The following TMEM135 variants were observed in gnomAD, a reference collection of about 807,000 sequenced individuals.
TMEM135 encodes transmembrane protein 135.
A neutral mutation model predicts 60.3 loss-of-function variants in TMEM135; 30 were observed. That is an observed-to-expected ratio of 0.50 (90% CI 0.37 to 0.68). The LOEUF is 0.68. Ranked by LOEUF, TMEM135 falls within the 30% of genes least tolerant of loss-of-function variation. The probability of loss-of-function intolerance (pLI) is 0.00; values close to 1 mark genes in which losing one functional copy is unlikely to be tolerated. For synonymous variants in TMEM135, 190 were observed against 186.7 expected, an observed-to-expected ratio of 1.02 and a Z score of -0.14; for missense variants, 468 against 548.8, an observed-to-expected ratio of 0.85 and a Z score of 1.47.
chr11:87,327,792 T>G lies in TMEM135; in HGVS notation c.*6459T>G, dbSNP rs1271953687. The G allele has an allele frequency of 2.2e-6, 1 of 454,044 alleles. No individual in the cohort carries two copies. The highest frequency in any genetic ancestry group is 2.3e-5 in the Admixed American group (1 of 42,560). 28.1% of individuals were successfully genotyped at this position (454,044 alleles called of 1,614,324 possible). ...GGGATGGGGGAGTGATAGTTTTAAG[T>G]CCTGGAGTCCCAAGGTTAGAGGATC... is the stretch of plus-strand genomic sequence containing the variant. On this transcript the variant is annotated 3_prime_UTR_variant, in exon 15 of 15. Coordinates refer to ENST00000305494, the MANE Select transcript of TMEM135 (RefSeq NM_022918.4).
chr11:87,214,021 T>C (rs1415835325), intron 5 of TMEM135, among the ~76,000 whole-genome samples: 1 of 152,208 alleles, frequency 6.6e-6, no homozygotes, highest in East Asian at 1.9e-4. Flanking sequence ...GAGTTTTAAA[T>C]ACTTAGACTG....
At position 87,269,349 on chromosome 11, in the gene TMEM135, T is replaced by A. The variant is rs534881221; in HGVS notation, c.510-26433T>A. ...GTGTGGATTTCTTTTCTTTTTTTTT[T>A]AAATTATTATCATACTTTAAGTTTT... On this transcript the variant is annotated intron_variant, in intron 6 of 14. Coordinates refer to ENST00000305494, the MANE Select transcript of TMEM135 (RefSeq NM_022918.4). Among the ~76,000 whole-genome samples the A allele has an allele frequency of 1.7e-3, 263 of 151,470 alleles. 3 individuals are homozygous for A. The Middle Eastern group carries it at 0.045, about 26-fold the overall frequency.
chr11:87,259,229 C>T (rs977479523), intron 6 of TMEM135: 19 of 477,382 alleles, frequency 4.0e-5, no homozygotes, highest in African/African-American at 2.4e-4. Flanking sequence ...GCAATTCCTC[C>T]GGGGATAGGG....
intron 4 of TMEM135, among the ~76,000 whole-genome samples, chr11:87,103,419 A>C (rs918705730): frequency 2.0e-5 from 3 of 147,922 alleles, no homozygotes; most frequent in Non-Finnish European, 4.5e-5. Flanking sequence ...TTTAATTTGC[A>C]TTTCCCTAAT....
intron 1 of TMEM135, 27 bp downstream of exon 1, chr11:87,038,213 G>A (rs1472785142): frequency 6.2e-7 from 1 of 1,613,844 alleles, no homozygotes; most frequent in Non-Finnish European, 8.5e-7. Flanking sequence ...GTCCCGCAGG[G>A]CGAGTTTAGT....
chr11:87,209,494 C>T (rs990948033), intron 5 of TMEM135, among the ~76,000 whole-genome samples: 11 of 152,192 alleles, frequency 7.2e-5, no homozygotes, highest in African/African-American at 2.2e-4. Context: ...AACAAGAAAA[C>T]CTAACTATCT....
intron 4 of TMEM135, among the ~76,000 whole-genome samples, chr11:87,099,919 T>TA (rs1857417728): frequency 6.6e-6 from 1 of 151,652 alleles, no homozygotes; most frequent in Non-Finnish European, 1.5e-5. Flanking sequence ...CTGACCTTGT[T>TA]ATCTGCCCTC....
At chr11:87,243,742 G>T (rs1445622063) in intron 6 of TMEM135, among the ~76,000 whole-genome samples, 1 of 90,256 alleles carries the variant, frequency 1.1e-5, no homozygotes, top group Non-Finnish European at 2.7e-5. Context: ...ATCAGCTTGA[G>T]ATTTTGGGCT....
intron 4 of TMEM135, among the ~76,000 whole-genome samples, chr11:87,132,153 A>G (rs929119977): frequency 3.9e-5 from 6 of 152,038 alleles, no homozygotes; most frequent in African/African-American, 1.4e-4. Flanking sequence ...TGAACAGTAA[A>G]TGTAATGTGC....
In TMEM135 at chr11:87,268,190, C is replaced by T. The variant is rs1365854041; in HGVS notation, c.510-27592C>T. Among the ~76,000 whole-genome samples, 2 of 73,886 alleles carry T rather than the reference C, an allele frequency of 2.7e-5. 1 individual carries two copies. The highest frequency in any genetic ancestry group is 7.1e-5 in the Non-Finnish European group (2 of 28,352). The allele number at this position is 73,886 out of a possible 152,430, so 48.5% of individuals were successfully genotyped here. A position where few individuals can be genotyped will look rare whatever the true frequency, so the allele number is the denominator to read the frequency against. On this transcript the variant is annotated intron_variant, in intron 6 of 14. Coordinates refer to ENST00000305494, the MANE Select transcript of TMEM135 (RefSeq NM_022918.4). ...TTTCCTTTCTTTTCTTTTCTTTCTT[C>T]TTTTCTGTTTTTTTGAGACTGGGTC...
chr11:87,176,695 A>G (rs772518783), intron 5 of TMEM135, among the ~76,000 whole-genome samples: 21 of 152,192 alleles, frequency 1.4e-4, no homozygotes, highest in Non-Finnish European at 2.8e-4. Flanking sequence ...AAGGAATTTG[A>G]TAAAAGTCTG....
At chr11:87,302,472 G>A (rs1300197164) in intron 8 of TMEM135, 30 bp downstream of exon 8, 1 of 1,613,010 alleles carries the variant, frequency 6.2e-7, no homozygotes, top group Non-Finnish European at 8.5e-7. Context: ...ATTTTAACCT[G>A]CTTTGTCACT....
intron 4 of TMEM135, among the ~76,000 whole-genome samples, chr11:87,123,786 T>G (rs1937645403): frequency 6.6e-6 from 1 of 152,220 alleles, no homozygotes; most frequent in Non-Finnish European, 1.5e-5. Flanking sequence ...TAACATTTAT[T>G]GAGCCCCTAC....
intron 5 of TMEM135, among the ~76,000 whole-genome samples, chr11:87,199,908 C>T (rs946127248): frequency 9.9e-5 from 15 of 152,090 alleles, no homozygotes; most frequent in Non-Finnish European, 1.9e-4. Context: ...CCAGCCTGAG[C>T]GACAGAGCAA....
At chr11:87,063,666 A>T (rs1949970336) in intron 1 of TMEM135, among the ~76,000 whole-genome samples, 1 of 152,210 alleles carries the variant, frequency 6.6e-6, no homozygotes, top group African/African-American at 2.4e-5. Flanking sequence ...TGGCCTGGCT[A>T]ACTAGACTAC....
chr11:87,153,264 A>G (rs1429122249), intron 4 of TMEM135, among the ~76,000 whole-genome samples: 2 of 152,160 alleles, frequency 1.3e-5, no homozygotes, highest in Admixed American at 1.3e-4. Context: ...CCATCTCATG[A>G]AGTCTTTTTC....
intron 5 of TMEM135, among the ~76,000 whole-genome samples, chr11:87,181,178 T>C (rs1049633630): frequency 6.6e-6 from 1 of 152,106 alleles, no homozygotes; most frequent in Non-Finnish European, 1.5e-5. Flanking sequence ...ATTAAAATAC[T>C]AAAATACCTA....
chr11:87,280,769 TC>T (rs1942046860), intron 6 of TMEM135, among the ~76,000 whole-genome samples: 1 of 152,232 alleles, frequency 6.6e-6, no homozygotes, highest in Non-Finnish European at 1.5e-5. Flanking sequence ...TGGCACATTG[TC>T]AACTCTTTAT....
chr11:87,199,172 C>T (rs1466921093), intron 5 of TMEM135, among the ~76,000 whole-genome samples: 1 of 152,056 alleles, frequency 6.6e-6, no homozygotes, highest in Non-Finnish European at 1.5e-5. Flanking sequence ...CCAGCCTGGC[C>T]AACATGGTGA....
Sources: allele counts gnomAD v4.1 joint callset (sites outside exome capture counted in the v4.1 genomes callset), GRCh38; gene constraint gnomAD v4.1.1; transcripts MANE v1.5; gene names NCBI Gene and HGNC (gene_info 2026-07-23, HGNC 2026-07-21).